The following MAP3K19 variants were observed in gnomAD, a reference collection of about 807,000 sequenced individuals.
MAP3K19 encodes the protein mitogen-activated protein kinase kinase kinase 19, also known as SPS1/STE20-related protein kinase YSK4.
In MAP3K19, 91 loss-of-function variants were observed where a neutral mutation model predicts 114.4. That is an observed-to-expected ratio of 0.80 (90% CI 0.67 to 0.95). The LOEUF is 0.95. Among genes scored for constraint, MAP3K19 ranks in the 40% least tolerant of loss-of-function variants. The pLI is 0.00. For missense variants in MAP3K19, 1,471 were observed against 1,573.2 expected, an observed-to-expected ratio of 0.94 and a Z score of 1.10; for synonymous variants, 518 against 530.5, an observed-to-expected ratio of 0.98 and a Z score of 0.32.
chr2:134,982,221 C>T (rs574884052), intron 11 of MAP3K19, among the ~76,000 whole-genome samples: 4 of 147,392 alleles, frequency 2.7e-5, no homozygotes, highest in Admixed American at 2.1e-4. Context: ...TGGGCTCAAG[C>T]GATCCTCCTG....
chr2:135,031,346 G>A (rs1442307951), intron 2 of MAP3K19, among the ~76,000 whole-genome samples: 1 of 152,104 alleles, frequency 6.6e-6, no homozygotes, highest in African/African-American at 2.4e-5. Flanking sequence ...CAGACTGGGA[G>A]AAAGATTGTT....
chr2:135,028,500 G>A (rs1288907692), intron 3 of MAP3K19, among the ~76,000 whole-genome samples: 1 of 150,858 alleles, frequency 6.6e-6, no homozygotes, highest in Non-Finnish European at 1.5e-5. Context: ...CGAGGCTGCA[G>A]TGAGCTGTGA....
At chr2:135,026,558 T>A (rs1271086772) in intron 3 of MAP3K19, among the ~76,000 whole-genome samples, 1 of 152,210 alleles carries the variant, frequency 6.6e-6, no homozygotes, top group Non-Finnish European at 1.5e-5. Flanking sequence ...TCAGGCCATC[T>A]GTTCTTATTT....
intron 11 of MAP3K19, chr2:134,983,232 G>C (rs997382405): frequency 1.9e-6 from 1 of 534,142 alleles, no homozygotes. Flanking sequence ...CAAAATGGAA[G>C]GAACATCTTT....
chr2:135,034,968 A>T (rs1041378794), intron 2 of MAP3K19, among the ~76,000 whole-genome samples: 2 of 152,034 alleles, frequency 1.3e-5, no homozygotes, highest in African/African-American at 4.8e-5. Flanking sequence ...ATGTGATATT[A>T]TTTGGTTATA....
Position 135,041,840 on chromosome 2 carries a change from C to T in MAP3K19, c.-423-1338G>A, listed in dbSNP as rs113609028. On this transcript the variant is annotated intron_variant, in intron 1 of 12. Coordinates refer to ENST00000392915, the MANE Select transcript of MAP3K19 (RefSeq NM_025052.5). ...GTGGAGGATAGCTAAGAAAAACAAA[C>T]AAGAAAAAGTCTAGATTTGCTCTTT... Among the ~76,000 whole-genome samples the T allele has an allele frequency of 5.6e-3, 845 of 152,188 alleles. 5 individuals are homozygous for T. The highest frequency in any genetic ancestry group is 0.017 in the African/African-American group (716 of 41,536).
intron 2 of MAP3K19, among the ~76,000 whole-genome samples, chr2:135,035,996 G>A (rs751713439): frequency 2.6e-5 from 4 of 151,974 alleles, no homozygotes; most frequent in Non-Finnish European, 4.4e-5. Flanking sequence ...CATGACGCCC[G>A]GCTAATTTGG....
chr2:135,038,855 C>T (rs1018560601), intron 2 of MAP3K19, among the ~76,000 whole-genome samples: 3 of 148,960 alleles, frequency 2.0e-5, no homozygotes, highest in Non-Finnish European at 4.5e-5. Flanking sequence ...GAGACTCCAT[C>T]TCAAAAAAAA....
chr2:134,996,366 A>G (rs1685994633), intron 8 of MAP3K19, among the ~76,000 whole-genome samples: 1 of 150,644 alleles, frequency 6.6e-6, no homozygotes, highest in Middle Eastern at 3.4e-3. Flanking sequence ...ATTATTAATT[A>G]AAAGTGCATT....
intron 1 of MAP3K19, among the ~76,000 whole-genome samples, chr2:135,042,513 A>G (rs898061588): frequency 6.6e-5 from 10 of 151,018 alleles, no homozygotes; most frequent in East Asian, 1.9e-4. Context: ...AAAAAAAAAA[A>G]AAAAAAGAAA....
At chr2:135,002,647 GCGCTGCTAGATTCAGAAAGCT>G (rs1233947228) in intron 6 of MAP3K19, among the ~76,000 whole-genome samples, 2 of 151,782 alleles carry the variant, frequency 1.3e-5, no homozygotes, top group Admixed American at 1.3e-4. Flanking sequence ...CCGGCTTCCT[GCGCTGCTAGATTCAGAAAGCT>G]TACTTCAGAG....
rs943243460 is a variant in MAP3K19, at chr2:135,024,638, T to A, written c.10A>T (p.Met4Leu). 2.5e-6 allele frequency: 4 copies of A among 1,613,682 alleles called. No homozygotes were observed. The highest frequency in any genetic ancestry group is 1.7e-5 in the Admixed American group (1 of 59,986). The change falls in exon 4 of 13, where the codon ATG (methionine) becomes TTG (leucine). Residue 4 changes from methionine to leucine, a missense_variant. By Grantham distance (15) the Met-to-Leu change is conservative (BLOSUM62 2). Coordinates refer to ENST00000392915, the MANE Select transcript of MAP3K19 (RefSeq NM_025052.5). Reference sequence around the variant, plus strand: ...TGAAAGTATTTACCTGGTTTTGGCATAGAACTCATTAAAATGTCCAAAAGC... The same window carrying A: ...TGAAAGTATTTACCTGGTTTTGGCAAAGAACTCATTAAAATGTCCAAAAGC... MSS[M>L]PKPERHAESL...
chr2:134,998,603 T>C, intron 8 of MAP3K19, 135 bp downstream of exon 8: 1 of 889,446 alleles, frequency 1.1e-6, no homozygotes, highest in East Asian at 2.6e-5. Context: ...CCCAGGAATG[T>C]AAATTACACA....
In MAP3K19 at chr2:134,981,643, C is replaced by A. The variant is rs1212099691; in HGVS notation, c.3223-125G>T. On this transcript the variant is annotated intron_variant, in intron 11 of 12. Coordinates refer to ENST00000392915, the MANE Select transcript of MAP3K19 (RefSeq NM_025052.5). ...CTTGTCTTTCTCTAAGTTGATACCT[C>A]CCTTCCTAAATGCAAAGTGTTTAAG... The A allele has an allele frequency of 8.2e-6, 6 of 734,420 alleles. No individual in the cohort carries two copies. The South Asian group carries it at 9.5e-5, about 12-fold the overall frequency. 45.5% of individuals were successfully genotyped at this position (734,420 alleles called of 1,614,324 possible). A position where few individuals can be genotyped will look rare whatever the true frequency, so the allele number is the denominator to read the frequency against.
chr2:135,034,677 G>A (rs935143821), intron 2 of MAP3K19, among the ~76,000 whole-genome samples: 13 of 141,326 alleles, frequency 9.2e-5, no homozygotes, highest in Non-Finnish European at 6.1e-5. Flanking sequence ...GCGTGGTGGC[G>A]CGCTACAGGC....
chr2:135,004,673 G>A (rs1456887752), intron 6 of MAP3K19, among the ~76,000 whole-genome samples: 1 of 152,220 alleles, frequency 6.6e-6, no homozygotes, highest in Non-Finnish European at 1.5e-5. Flanking sequence ...ATGCTCTGAG[G>A]CGAGAATCTG....
At chr2:135,016,794 T>C (rs1411429538) in intron 5 of MAP3K19, among the ~76,000 whole-genome samples, 2 of 152,214 alleles carry the variant, frequency 1.3e-5, no homozygotes, top group African/African-American at 4.8e-5. Context: ...CCATTCCAGT[T>C]TCCTATCCTT....
chr2:135,020,728 G>C (rs1687913850), intron 5 of MAP3K19, among the ~76,000 whole-genome samples: 1 of 152,150 alleles, frequency 6.6e-6, no homozygotes, highest in East Asian at 1.9e-4. Context: ...GTGATAGTGG[G>C]GGAGTTCTCA....
chr2:134,968,911 G>A (rs561788500), intron 12 of MAP3K19, among the ~76,000 whole-genome samples: 87 of 151,240 alleles, frequency 5.8e-4, no homozygotes, highest in African/African-American at 2.0e-3. Context: ...GACGATGGGC[G>A]GCCAGGCAGA....
Sources: gnomAD v4.1 joint callset for allele counts (sites outside exome capture counted in the v4.1 genomes callset) on GRCh38, gnomAD v4.1.1 for gene constraint, MANE v1.5 for transcripts, NCBI Gene and HGNC (gene_info 2026-07-23, HGNC 2026-07-21) for gene names.